LARGE1: variants seen among roughly 807,000 people sequenced by gnomAD.
LARGE1 encodes the protein xylosyl- and glucuronyltransferase LARGE1.
LARGE1 carries 43 observed loss-of-function variants against 87.6 expected under a neutral mutation model. The observed-to-expected ratio is 0.49, with a 90% CI of 0.38 to 0.63. The LOEUF (loss-of-function observed/expected upper bound fraction) is 0.63. LARGE1 is among the 30% of genes least tolerant of loss of function. The probability of loss-of-function intolerance (pLI) is 0.00; values close to 1 mark genes in which losing one functional copy is unlikely to be tolerated. For missense variants in LARGE1, 802 were observed against 1,000.2 expected, an observed-to-expected ratio of 0.80 and a Z score of 2.67; for synonymous variants, 434 against 394.6, an observed-to-expected ratio of 1.10 and a Z score of -1.18.
chr22:33,275,090 T>G (rs887254835), intron 14 of LARGE1, among the ~76,000 whole-genome samples: 4 of 151,244 alleles, frequency 2.6e-5, no homozygotes, highest in Non-Finnish European at 5.9e-5. Context: ...AACAGATGAG[T>G]GCAAAAGAGG....
At chr22:33,742,207 C>G (rs966875656) in intron 2 of LARGE1, among the ~76,000 whole-genome samples, 1 of 152,126 alleles carries the variant, frequency 6.6e-6, no homozygotes, top group African/African-American at 2.4e-5. Context: ...CCTCTGTATA[C>G]TTCAGTTTCC....
chr22:33,607,352 T>C (rs1272300583), intron 4 of LARGE1, among the ~76,000 whole-genome samples: 1 of 150,076 alleles, frequency 6.7e-6, no homozygotes, highest in East Asian at 2.0e-4. Flanking sequence ...TTCCAGCTAC[T>C]TGGGAGGTTG....
rs528849249 is a variant in LARGE1 at position 33,503,120 on chromosome 22, A to G, written c.787+61728T>C. ...ACCAGATGAGTTGCTGAACTAGAAT[A>G]AAAGGGATGTGGGAAAGGTTATCCG... On this transcript the variant is annotated intron_variant, in intron 6 of 14. Transcript: ENST00000397394. Among the ~76,000 whole-genome samples, 7 of 152,290 alleles carry G rather than the reference A, an allele frequency of 4.6e-5. No individual in the cohort carries two copies. The South Asian group carries it at 1.5e-3, about 32-fold the overall frequency.
At chr22:33,786,926 C>T (rs755434864) in intron 1 of LARGE1, among the ~76,000 whole-genome samples, 4 of 149,870 alleles carry the variant, frequency 2.7e-5, no homozygotes, top group Non-Finnish European at 5.9e-5. Flanking sequence ...GAGGCTGAGG[C>T]AGGAGAATCA....
chr22:33,500,061 C>A (rs2148357264), intron 6 of LARGE1, among the ~76,000 whole-genome samples: 1 of 152,330 alleles, frequency 6.6e-6, no homozygotes, highest in East Asian at 1.9e-4. Flanking sequence ...AGGCGTGAGT[C>A]ACCACGACTG....
At position 33,226,734 on chromosome 22, in the gene LARGE1, TTA is replaced by T. The variant is rs1413835771; in HGVS notation, c.1731-59904_1731-59903del. ...TTATTATTATTATTATTATTTATTATTATTTTTTTTTTTGAGACGGAGTCCCG... is the reference window on the plus strand; with the variant it reads ...TTATTATTATTATTATTATTTATTATTTTTTTTTTTTGAGACGGAGTCCCG... On this transcript the variant is annotated intron_variant, in intron 11 of 11. Coordinates refer to the LARGE1 transcript ENST00000608642. 4.4e-4 allele frequency among the ~76,000 whole-genome samples: 33 copies of T among 75,398 alleles called. 1 individual carries two copies. Among genetic ancestry groups the T allele is most frequent in the African/African-American group, 2.9e-3 (27 of 9,206 alleles). 49.5% of individuals were successfully genotyped at this position (75,398 alleles called of 152,430 possible).
At chr22:33,558,532 C>T (rs1022726433) in intron 6 of LARGE1, among the ~76,000 whole-genome samples, 1 of 152,050 alleles carries the variant, frequency 6.6e-6, no homozygotes, top group Non-Finnish European at 1.5e-5. Context: ...GGTGCAGAAG[C>T]GAGGTCAAGA....
At chr22:33,546,464 A>G (rs970680469) in intron 6 of LARGE1, among the ~76,000 whole-genome samples, 8 of 152,190 alleles carry the variant, frequency 5.3e-5, no homozygotes, top group Non-Finnish European at 8.8e-5. Flanking sequence ...TGGCAACACC[A>G]TTATGTTTGG....
intron 1 of LARGE1, among the ~76,000 whole-genome samples, chr22:33,763,790 G>A (rs960643326): frequency 6.6e-6 from 1 of 150,678 alleles, no homozygotes; most frequent in Non-Finnish European, 1.5e-5. Context: ...ACATTTCAGG[G>A]GCAATCCTTC....
chr22:33,639,216 C>T lies in LARGE1; in HGVS notation c.408+11151G>A, dbSNP rs116875300. 3.3e-3 allele frequency among the ~76,000 whole-genome samples: 510 copies of T among 152,270 alleles called. 31 individuals are homozygous for T. In the East Asian group the frequency reaches 0.081, roughly 24 times the overall value. On this transcript the variant is annotated intron_variant, in intron 3 of 14. Transcript: ENST00000397394. ...AAGCTCAAACTAGCCCATGCAGAGA[C>T]CACATGAGGACCTGAGTCTAAAAGA...
At chr22:33,768,947 T>A (rs368416265) in intron 1 of LARGE1, among the ~76,000 whole-genome samples, 6 of 152,314 alleles carry the variant, frequency 3.9e-5, no homozygotes, top group African/African-American at 1.4e-4. Context: ...TTGAGAAGCC[T>A]GTACTAAAGC....
At chr22:33,288,565 T>C (rs1453007300) in intron 12 of LARGE1, among the ~76,000 whole-genome samples, 1 of 152,232 alleles carries the variant, frequency 6.6e-6, no homozygotes, top group Non-Finnish European at 1.5e-5. Context: ...CCCTGAGGAC[T>C]GTGCTGGTAA....
At chr22:33,132,394 G>A in the LARGE1 span, among the ~76,000 whole-genome samples, 1 of 151,382 alleles carries the variant, frequency 6.6e-6, no homozygotes, top group South Asian at 2.1e-4. Context: ...ATGTTGCCAG[G>A]CTGGTCTGGA....
chr22:33,212,372 G>A (rs1205998071), intron 11 of LARGE1, among the ~76,000 whole-genome samples: 1 of 152,158 alleles, frequency 6.6e-6, no homozygotes, highest in Non-Finnish European at 1.5e-5. Context: ...CAACAAGCCT[G>A]GATAACAGCA....
intron 11 of LARGE1, among the ~76,000 whole-genome samples, chr22:33,230,113 G>A (rs1489878886): frequency 1.4e-5 from 2 of 143,530 alleles, no homozygotes. Flanking sequence ...CCAGGTTCAA[G>A]CAATTCTTCT....
At chr22:33,263,322 T>C (rs548217276) in intron 11 of LARGE1, among the ~76,000 whole-genome samples, 64 of 152,322 alleles carry the variant, frequency 4.2e-4, no homozygotes, top group African/African-American at 1.5e-3. Context: ...GAGCAGGACC[T>C]GGGAATACGA....
chr22:33,155,208 C>T, the LARGE1 span, among the ~76,000 whole-genome samples: 3 of 152,090 alleles, frequency 2.0e-5, no homozygotes, highest in African/African-American at 7.2e-5. Flanking sequence ...AAAATGTGGA[C>T]TTTGGAACAT....
At chr22:33,591,029 C>T (rs780719068) in intron 5 of LARGE1, among the ~76,000 whole-genome samples, 4 of 152,120 alleles carry the variant, frequency 2.6e-5, no homozygotes, top group African/African-American at 4.8e-5. Context: ...GGCAAAACCC[C>T]GTCTCTACTA....
intron 5 of LARGE1, chr22:33,572,211 T>C (rs1461669737): frequency 4.7e-6 from 6 of 1,286,878 alleles, no homozygotes; most frequent in African/African-American, 1.5e-5. Context: ...AAAAAAGAAG[T>C]CATCCCAGCT....
Sources: allele counts gnomAD v4.1 joint callset (sites outside exome capture counted in the v4.1 genomes callset), GRCh38; gene constraint gnomAD v4.1.1; transcripts MANE v1.5; gene names NCBI Gene and HGNC (gene_info 2026-07-23, HGNC 2026-07-21).